CSNK2A2IP: variants seen among roughly 807,000 people sequenced by gnomAD.
CSNK2A2IP encodes the protein casein kinase 2 subunit alpha' interacting protein, also known as casein kinase II subunit alpha'-interacting protein.
At chr3:88,453,975 G>A in the CSNK2A2IP span, among the ~76,000 whole-genome samples, 1 of 151,840 alleles carries the variant, frequency 6.6e-6, no homozygotes, top group African/African-American at 2.4e-5. Context: ...TAGATTATGT[G>A]GTACATGTAT....
At chr3:88,415,762 G>A in the CSNK2A2IP span, among the ~76,000 whole-genome samples, 28 of 152,098 alleles carry the variant, frequency 1.8e-4, no homozygotes, top group Middle Eastern at 3.4e-3. Flanking sequence ...GGTGCACAGA[G>A]CCTCCTTTAC....
At chr3:88,383,078 C>G in the CSNK2A2IP span, among the ~76,000 whole-genome samples, 1 of 150,092 alleles carries the variant, frequency 6.7e-6, no homozygotes, top group African/African-American at 2.4e-5. Context: ...CTTCCTCCTC[C>G]CCTCTCTTCC....
chr3:88,378,191 T>C, the CSNK2A2IP span, among the ~76,000 whole-genome samples: 1 of 151,978 alleles, frequency 6.6e-6, no homozygotes, highest in Non-Finnish European at 1.5e-5. Flanking sequence ...ACTTTTACCC[T>C]TTATTGTCTC....
chr3:88,372,958 T>C, the CSNK2A2IP span, among the ~76,000 whole-genome samples: 1 of 151,448 alleles, frequency 6.6e-6, no homozygotes, highest in Non-Finnish European at 1.5e-5. Flanking sequence ...TGAATTCATC[T>C]ACTAAGAGAC....
At chr3:88,396,940 A>T in the CSNK2A2IP span, among the ~76,000 whole-genome samples, 1 of 152,172 alleles carries the variant, frequency 6.6e-6, no homozygotes, top group Non-Finnish European at 1.5e-5. Context: ...GAGAAAAAAT[A>T]CTAACAGAGT....
the CSNK2A2IP span, among the ~76,000 whole-genome samples, chr3:88,357,069 T>G: frequency 6.6e-6 from 1 of 152,124 alleles, no homozygotes; most frequent in African/African-American, 2.4e-5. Context: ...GTTGTCTCTT[T>G]ATTTTGTTAA....
chr3:88,360,220 C>T, the CSNK2A2IP span, among the ~76,000 whole-genome samples: 53 of 151,674 alleles, frequency 3.5e-4, no homozygotes, highest in East Asian at 7.2e-3. Context: ...ACCACAACTC[C>T]GCCTCCAGGT....
chr3:88,380,711 T>C, the CSNK2A2IP span, among the ~76,000 whole-genome samples: 1 of 151,336 alleles, frequency 6.6e-6, no homozygotes, highest in African/African-American at 2.4e-5. Context: ...AAAATATGAG[T>C]CAGAATTAAG....
the CSNK2A2IP span, among the ~76,000 whole-genome samples, chr3:88,408,163 A>C: frequency 1.5e-3 from 231 of 152,366 alleles, no homozygotes; most frequent in Non-Finnish European, 2.6e-3. Context: ...AAGAAATAGA[A>C]GTAAGACAGG....
At chr3:88,360,664 C>G in the CSNK2A2IP span, among the ~76,000 whole-genome samples, 2 of 152,058 alleles carry the variant, frequency 1.3e-5, no homozygotes, top group African/African-American at 4.8e-5. Flanking sequence ...TAATTTAGTT[C>G]AATTTATATT....
At chr3:88,373,615 A>G in the CSNK2A2IP span, among the ~76,000 whole-genome samples, 1 of 150,984 alleles carries the variant, frequency 6.6e-6, no homozygotes, top group African/African-American at 2.4e-5. Context: ...AAAAAAAAAA[A>G]AAGGAAATAA....
the CSNK2A2IP span, among the ~76,000 whole-genome samples, chr3:88,423,089 G>A: frequency 1.2e-4 from 18 of 152,138 alleles, no homozygotes; most frequent in Non-Finnish European, 2.2e-4. Flanking sequence ...TCAACTTACC[G>A]TGTCACAGTG....
At chr3:88,398,457 A>C in the CSNK2A2IP span, among the ~76,000 whole-genome samples, 9 of 152,160 alleles carry the variant, frequency 5.9e-5, no homozygotes, top group Non-Finnish European at 1.2e-4. Flanking sequence ...GTAATTAACA[A>C]AAATCATTTA....
the CSNK2A2IP span, among the ~76,000 whole-genome samples, chr3:88,410,241 A>G: frequency 6.6e-6 from 1 of 152,122 alleles, no homozygotes; most frequent in African/African-American, 2.4e-5. Context: ...CCCAAAGCTT[A>G]GAATATCCTG....
At chr3:88,462,678 C>A in the CSNK2A2IP span, among the ~76,000 whole-genome samples, 1 of 151,940 alleles carries the variant, frequency 6.6e-6, no homozygotes, top group Admixed American at 6.6e-5. Flanking sequence ...GGTGAAGCTG[C>A]CAGGGATGAT....
At chr3:88,368,038 A>G in the CSNK2A2IP span, among the ~76,000 whole-genome samples, 2 of 152,044 alleles carry the variant, frequency 1.3e-5, no homozygotes, top group Non-Finnish European at 2.9e-5. Context: ...TATGAGCTAA[A>G]CAATGTGGAC....
chr3:88,344,661 C>A, the CSNK2A2IP span, among the ~76,000 whole-genome samples: 1 of 151,846 alleles, frequency 6.6e-6, no homozygotes, highest in Non-Finnish European at 1.5e-5. Context: ...TTGCTGTCTC[C>A]CATTCCATTG....
At chr3:88,392,874 C>T in the CSNK2A2IP span, among the ~76,000 whole-genome samples, 1 of 152,066 alleles carries the variant, frequency 6.6e-6, no homozygotes, top group Non-Finnish European at 1.5e-5. Flanking sequence ...AATATGAACA[C>T]ACTTTAAAGC....
chr3:88,351,016 C>G, the CSNK2A2IP span, among the ~76,000 whole-genome samples: 1 of 152,096 alleles, frequency 6.6e-6, no homozygotes, highest in South Asian at 2.1e-4. Flanking sequence ...CCTGCTAATC[C>G]TCAACACAGA....
Sources: gnomAD v4.1 joint callset for allele counts (sites outside exome capture counted in the v4.1 genomes callset) on GRCh38, gnomAD v4.1.1 for gene constraint, MANE v1.5 for transcripts, NCBI Gene and HGNC (gene_info 2026-07-23, HGNC 2026-07-21) for gene names.